The following RSPO2 variants were observed in gnomAD, a reference collection of about 807,000 sequenced individuals.
RSPO2 encodes R-spondin 2.
Under a neutral mutation model 30.9 loss-of-function variants are expected in RSPO2, and 14 were observed. The observed-to-expected ratio is 0.45, with a 90% CI of 0.30 to 0.71. The LOEUF is 0.71. RSPO2 is among the 30% of genes least tolerant of loss of function. RSPO2 has a pLI of 0.08. For missense variants in RSPO2, 264 were observed against 301.9 expected (o/e 0.87, Z 0.93); for synonymous variants, 107 against 96.4 (o/e 1.11, Z -0.64).
intron 5 of RSPO2, among the ~76,000 whole-genome samples, chr8:107,915,420 G>A (rs1373249650): frequency 6.6e-6 from 1 of 152,094 alleles, no homozygotes; most frequent in African/African-American, 2.4e-5. Flanking sequence ...TGGCTTCTGG[G>A]AGGTCTCAGT....
rs139973339 is a variant in RSPO2, at chr8:107,932,801, T to TGA, written c.616+25277_616+25278dup. ...GTTTAGGAATAACTACTGTGCCAAA[T>TGA]GAGAGAGAGAGAGAGCAAGGTAACC... On this transcript the variant is annotated intron_variant, in intron 5 of 5. Transcript: ENST00000276659. 6.6e-3 allele frequency among the ~76,000 whole-genome samples: 993 copies of TGA among 150,862 alleles called. 7 individuals are homozygous for TGA. The highest frequency in any genetic ancestry group is 0.02 in the African/African-American group (827 of 41,184).
chr8:108,071,309 A>T (rs1189141595), intron 2 of RSPO2, among the ~76,000 whole-genome samples: 2 of 152,222 alleles, frequency 1.3e-5, no homozygotes, highest in African/African-American at 4.8e-5. Context: ...AATTGACAGG[A>T]TTCAGTCAAG....
intron 5 of RSPO2, among the ~76,000 whole-genome samples, chr8:107,926,090 T>C (rs1007859648): frequency 2.6e-5 from 4 of 152,054 alleles, no homozygotes; most frequent in Admixed American, 6.6e-5. Context: ...TTTTAATGAC[T>C]GCCATTCTAA....
chr8:108,030,798 T>C (rs542801559), intron 2 of RSPO2, among the ~76,000 whole-genome samples: 1 of 152,322 alleles, frequency 6.6e-6, no homozygotes, highest in South Asian at 2.1e-4. Context: ...AGAAAAGCCA[T>C]TCCATTTTAT....
intron 5 of RSPO2, among the ~76,000 whole-genome samples, chr8:107,919,825 A>G (rs982485619): frequency 5.9e-5 from 9 of 152,164 alleles, no homozygotes; most frequent in Non-Finnish European, 1.3e-4. Flanking sequence ...AACTCCTCTG[A>G]AAAGAAAAAG....
At position 107,959,354 on chromosome 8, in the gene RSPO2, CA is replaced by C. The variant is rs926049181; in HGVS notation, c.428-1087del. 1.3e-4 allele frequency among the ~76,000 whole-genome samples: 20 copies of C among 152,148 alleles called. 1 individual carries two copies. The highest frequency in any genetic ancestry group is 2.8e-4 in the Non-Finnish European group (19 of 68,030). ...TTTAGCATCTCCTATGTTAAGTCCA[CA>C]TAGTGGAAAATAGGCTACCCCCCAA... On this transcript the variant is annotated intron_variant, in intron 4 of 5. Coordinates refer to ENST00000276659, the MANE Select transcript of RSPO2 (RefSeq NM_178565.5).
At chr8:107,982,784 C>G (rs1448726351) in intron 3 of RSPO2, among the ~76,000 whole-genome samples, 1 of 152,186 alleles carries the variant, frequency 6.6e-6, no homozygotes, top group Non-Finnish European at 1.5e-5. Flanking sequence ...ACTTACTTCT[C>G]CGCAAGCCTT....
At chr8:108,058,775 T>A (rs984731730) in intron 2 of RSPO2, among the ~76,000 whole-genome samples, 1 of 151,850 alleles carries the variant, frequency 6.6e-6, no homozygotes, top group African/African-American at 2.4e-5. Flanking sequence ...TAAATGGTGC[T>A]GGGAAAACTG....
chr8:108,046,695 T>C lies in RSPO2; in HGVS notation c.94+35850A>G, dbSNP rs1050726961. ...CACACCCGTGGTTTGAAACAGTGCA[T>C]GCTTCAAGTCTATAATTCAAGTCAT... On this transcript the variant is annotated intron_variant, in intron 2 of 5. Coordinates refer to ENST00000276659, the MANE Select transcript of RSPO2 (RefSeq NM_178565.5). Among the ~76,000 whole-genome samples, 6 of 152,318 alleles carry C rather than the reference T, an allele frequency of 3.9e-5. No homozygotes were observed. In the East Asian group the frequency reaches 1.2e-3, roughly 29 times the overall value.
rs1351311409 is a variant in RSPO2, at chr8:107,950,830, T to G, written c.616+7250A>C. Among the ~76,000 whole-genome samples, 6 of 152,034 alleles carry G rather than the reference T, an allele frequency of 3.9e-5. No homozygotes were observed. The South Asian group carries it at 1.2e-3, about 32-fold the overall frequency. Reference sequence around the variant, plus strand: ...TCTTAACTACTTCTGTATGATGACATGAATCATGCTGAGATTTTAGTAAAA... The same window carrying G: ...TCTTAACTACTTCTGTATGATGACAGGAATCATGCTGAGATTTTAGTAAAA... On this transcript the variant is annotated intron_variant, in intron 5 of 5. Coordinates refer to ENST00000276659, the MANE Select transcript of RSPO2 (RefSeq NM_178565.5).
At chr8:108,072,534 T>G (rs1812890475) in intron 2 of RSPO2, among the ~76,000 whole-genome samples, 1 of 143,386 alleles carries the variant, frequency 7.0e-6, no homozygotes, top group Non-Finnish European at 1.5e-5. Flanking sequence ...GAGACGGGGT[T>G]TCACCATGTT....
At chr8:107,994,835 A>T (rs1814959518) in intron 2 of RSPO2, among the ~76,000 whole-genome samples, 1 of 152,132 alleles carries the variant, frequency 6.6e-6, no homozygotes, top group Admixed American at 6.6e-5. Flanking sequence ...AACTAATATC[A>T]AGCAATAAGT....
chr8:107,908,453 A>T (rs1187434764), intron 5 of RSPO2, among the ~76,000 whole-genome samples: 1 of 152,216 alleles, frequency 6.6e-6, no homozygotes, highest in Non-Finnish European at 1.5e-5. Context: ...CAAAGTTTTC[A>T]GAGCAGTAGA....
At chr8:108,009,934 A>C (rs1810644642) in intron 2 of RSPO2, among the ~76,000 whole-genome samples, 1 of 128,836 alleles carries the variant, frequency 7.8e-6, no homozygotes. Flanking sequence ...TTGTAGTCCC[A>C]GCTACTTGCG....
At chr8:107,949,438 C>T (rs671966) in intron 5 of RSPO2, among the ~76,000 whole-genome samples, 62,902 of 150,924 alleles carry the variant, frequency 0.42, 14,034 homozygotes, top group East Asian at 0.68. Context: ...TTTACAATTT[C>T]GAATTGTACT....
At chr8:107,929,294 A>C (rs566743432) in intron 5 of RSPO2, among the ~76,000 whole-genome samples, 1 of 152,330 alleles carries the variant, frequency 6.6e-6, no homozygotes, top group African/African-American at 2.4e-5. Context: ...CAAAAGGAAA[A>C]CACCCAAAGG....
chr8:108,059,940 C>T (rs1812395609), intron 2 of RSPO2, among the ~76,000 whole-genome samples: 1 of 150,802 alleles, frequency 6.6e-6, no homozygotes, highest in Admixed American at 6.6e-5. Flanking sequence ...CAGCATGGCA[C>T]ATGTATACAT....
intron 5 of RSPO2, among the ~76,000 whole-genome samples, chr8:107,924,822 GCACA>G (rs59249399): frequency 0.63 from 93,033 of 148,252 alleles, 31,137 homozygotes; most frequent in East Asian, 0.81. Flanking sequence ...CACCTAACAT[GCACA>G]CACACACACA....
intron 2 of RSPO2, among the ~76,000 whole-genome samples, chr8:108,012,006 A>G (rs900149385): frequency 6.6e-6 from 1 of 152,226 alleles, no homozygotes. Flanking sequence ...TCAATACAGA[A>G]TGGAAATAAG....
Sources: gnomAD v4.1 joint callset for allele counts (sites outside exome capture counted in the v4.1 genomes callset) on GRCh38, gnomAD v4.1.1 for gene constraint, MANE v1.5 for transcripts, NCBI Gene and HGNC (gene_info 2026-07-23, HGNC 2026-07-21) for gene names.